KCTD1: variants seen among roughly 807,000 people sequenced by gnomAD.
The protein encoded by KCTD1 is potassium channel tetramerization domain containing 1, also known as BTB/POZ domain-containing protein KCTD1.
Under a neutral mutation model 66.0 loss-of-function variants are expected in KCTD1, and 24 were observed. The ratio of observed to expected loss-of-function variants is 0.36; its 90% CI spans 0.26 to 0.51. The LOEUF (loss-of-function observed/expected upper bound fraction) is 0.51. Ranked by LOEUF, KCTD1 falls within the 20% of genes least tolerant of loss-of-function variation. The probability of loss-of-function intolerance (pLI) is 0.95; values close to 1 mark genes in which losing one functional copy is unlikely to be tolerated. For missense variants in KCTD1, 943 were observed against 1,205.2 expected (o/e 0.78, Z 3.22); for synonymous variants, 511 against 517.2 (o/e 0.99, Z 0.16).
chr18:26,629,985 T>C (rs1987583243), upstream of KCTD1, among the ~76,000 whole-genome samples: 2 of 152,202 alleles, frequency 1.3e-5, no homozygotes, highest in African/African-American at 4.8e-5. Context: ...AAGCCTCGTC[T>C]GTCCAGAGCA....
chr18:26,501,962 G>A (rs190559934), intron 1 of KCTD1, among the ~76,000 whole-genome samples: 1 of 152,372 alleles, frequency 6.6e-6, no homozygotes, highest in East Asian at 1.9e-4. Context: ...GCTGATGTGC[G>A]GTTGCACAAG....
intron 3 of KCTD1, among the ~76,000 whole-genome samples, chr18:26,474,091 T>G (rs1981216909): frequency 6.6e-6 from 1 of 152,202 alleles, no homozygotes; most frequent in African/African-American, 2.4e-5. Context: ...ATACCTGATC[T>G]TTTACATAAA....
At chr18:26,474,576 T>C (rs1981241167) in intron 3 of KCTD1, among the ~76,000 whole-genome samples, 1 of 152,204 alleles carries the variant, frequency 6.6e-6, no homozygotes, top group Non-Finnish European at 1.5e-5. Context: ...TGCAAATGTT[T>C]ATTGCCAATT....
At chr18:26,478,154 A>G in intron 2 of KCTD1, among the ~76,000 whole-genome samples, 1 of 152,348 alleles carries the variant, frequency 6.6e-6, no homozygotes, top group East Asian at 1.9e-4. Context: ...TTCACTCTTA[A>G]TAACATGATA....
Position 26,459,629 on chromosome 18 carries a change from G to A in KCTD1, c.2430C>T (p.Asn810=), listed in dbSNP as rs1176012877. 6.3e-7 allele frequency: 1 copy of A among 1,594,914 alleles called. No homozygotes were observed. The highest frequency in any genetic ancestry group is 8.6e-7 in the Non-Finnish European group (1 of 1,168,114). Residue 810 remains asparagine, a synonymous_variant, in exon 4 of 5, where the codon AAC becomes AAT. Coordinates refer to ENST00000580059, the MANE Select transcript of KCTD1 (RefSeq NM_001142730.3). ...RFPLNGYCHL[N]SVQVLERLQQ... The stretch of plus-strand genomic sequence containing the variant: ...CGTAACAATGCTATACCTGGACTGA[G>A]TTGAGGTGACAGTAGCCATTTAGTG...
intron 2 of KCTD1, among the ~76,000 whole-genome samples, chr18:26,492,542 G>A (rs1982256628): frequency 6.6e-6 from 1 of 151,892 alleles, no homozygotes; most frequent in South Asian, 2.1e-4. Context: ...AGGATGGCTT[G>A]GGCCTGGGAG....
At chr18:26,617,871 G>A (rs66463457) in intron 1 of KCTD1, among the ~76,000 whole-genome samples, 6 of 88,208 alleles carry the variant, frequency 6.8e-5, no homozygotes, top group Non-Finnish European at 1.1e-4. Context: ...GAGGGAGGGA[G>A]GGAGGGAGGG....
intron 1 of KCTD1, among the ~76,000 whole-genome samples, chr18:26,536,860 C>CCTTCAAAAAACCCTAATAA (rs1160146703): frequency 2.0e-5 from 3 of 151,880 alleles, no homozygotes; most frequent in Admixed American, 1.3e-4. Context: ...TTCTAAAAAC[C>CCTTCAAAAAACCCTAATAA]CTTCAAGGGA....
rs1221080224 is a variant in KCTD1 at position 26,468,507 on chromosome 18, CTT to C, written c.2133+8006_2133+8007del. Reference sequence around the variant, plus strand: ...ATCAATAAACATTCTCCCTAACAAACTTAGTGAAAGAGATTCTCTCCTCATGC... The same window carrying C: ...ATCAATAAACATTCTCCCTAACAAACAGTGAAAGAGATTCTCTCCTCATGC... On this transcript the variant is annotated intron_variant, in intron 3 of 4. Coordinates refer to ENST00000580059, the MANE Select transcript of KCTD1 (RefSeq NM_001142730.3). This position sits in a 1 kb window ranked among gnomAD's most constrained non-coding sequence, Gnocchi z 4.8. Among the ~76,000 whole-genome samples the C allele has an allele frequency of 1.3e-5, 2 of 152,082 alleles. No individual in the cohort carries two copies. Among genetic ancestry groups the C allele is most frequent in the Non-Finnish European group, 2.9e-5 (2 of 68,024 alleles).
At chr18:26,521,758 T>G (rs1983922047) in intron 1 of KCTD1, among the ~76,000 whole-genome samples, 1 of 152,164 alleles carries the variant, frequency 6.6e-6, no homozygotes, top group African/African-American at 2.4e-5. Context: ...CTAGAAAAGG[T>G]ACAGCTACAA....
At chr18:26,536,749 A>G (rs1033165892) in intron 1 of KCTD1, among the ~76,000 whole-genome samples, 21 of 152,192 alleles carry the variant, frequency 1.4e-4, no homozygotes, top group Admixed American at 2.0e-4. Flanking sequence ...TAAGTGCTCA[A>G]TAAATGCTTT....
chr18:26,459,632 G>T lies in KCTD1; in HGVS notation c.2427C>A (p.Leu809=), dbSNP rs1359252745. 5 of 1,596,358 alleles carry T rather than the reference G, an allele frequency of 3.1e-6. No individual in the cohort carries two copies. Among genetic ancestry groups the T allele is most frequent in the South Asian group, 1.1e-5 (1 of 87,816 alleles). ...IRFPLNGYCH[L]NSVQVLERLQ... is the part of the protein sequence containing the mutation. ...AACAATGCTATACCTGGACTGAGTT[G>T]AGGTGACAGTAGCCATTTAGTGGAA... Residue 809 remains leucine (L), a synonymous_variant, in exon 4 of 5, where the codon CTC becomes CTA. Transcript: ENST00000580059.
upstream of KCTD1, among the ~76,000 whole-genome samples, chr18:26,550,459 G>T (rs1171123704): frequency 6.6e-6 from 1 of 152,008 alleles, no homozygotes; most frequent in African/African-American, 2.4e-5. The surrounding 1 kb of genome is among the most constrained non-coding windows in gnomAD (Gnocchi z 5.4). Context: ...CCCGGCCCTG[G>T]ACGCCACCCG....
chr18:26,525,929 T>C (rs75704264), intron 1 of KCTD1, among the ~76,000 whole-genome samples: 1 of 152,146 alleles, frequency 6.6e-6, no homozygotes, highest in Admixed American at 6.5e-5. Flanking sequence ...GTCCATCTCA[T>C]TCCCCCTAGG....
chr18:26,547,874 C>T lies in KCTD1; in HGVS notation c.663G>A (p.Gln221=). The T allele has an allele frequency of 6.5e-7, 1 of 1,542,920 alleles. No individual in the cohort carries two copies. The highest frequency in any genetic ancestry group is 1.2e-5 in the South Asian group (1 of 84,068). ...TGATGAGCGACGACTTGCTGTAGAG[C>T]TGGCCGCTTTTGGAGCGGGCCTCGG... ...FYAEARSKSG[Q]LYSKSSLISI... is the part of the protein sequence containing the mutation. Residue 221 remains glutamine, a synonymous_variant, in exon 1 of 5, where the codon CAG becomes CAA. Coordinates refer to ENST00000580059, the MANE Select transcript of KCTD1 (RefSeq NM_001142730.3).
rs1213164495 is a variant in KCTD1, at chr18:26,507,701, C to CT, written c.1810-6452dup. Among the ~76,000 whole-genome samples the CT allele has an allele frequency of 9.9e-3, 1,457 of 147,562 alleles. 10 individuals carry two copies. Among genetic ancestry groups the CT allele is most frequent in the Middle Eastern group, 0.066 (19 of 288 alleles). On this transcript the variant is annotated intron_variant, in intron 1 of 4. Coordinates refer to ENST00000580059, the MANE Select transcript of KCTD1 (RefSeq NM_001142730.3). ...TTCTCCCTTCTTTACTGACACTATA[C>CT]TTTTTTTTTTTTAAAAAAAGAATGA...
chr18:26,500,588 T>C (rs1381670800), intron 2 of KCTD1, among the ~76,000 whole-genome samples: 1 of 152,242 alleles, frequency 6.6e-6, no homozygotes, highest in Admixed American at 6.5e-5. Context: ...TCATTTTTTG[T>C]AAACTATACT....
At chr18:26,501,961 C>T (rs749637672) in intron 1 of KCTD1, among the ~76,000 whole-genome samples, 26 of 152,232 alleles carry the variant, frequency 1.7e-4, no homozygotes, top group Admixed American at 1.2e-3. Flanking sequence ...TGCTGATGTG[C>T]GGTTGCACAA....
intron 1 of KCTD1, among the ~76,000 whole-genome samples, chr18:26,532,242 CT>C (rs1295830751): frequency 2.4e-4 from 33 of 137,046 alleles, no homozygotes; most frequent in African/African-American, 5.9e-4. Context: ...TATTCTTTTT[CT>C]TTTTCTTTTC....
Sources: gnomAD v4.1 joint callset for allele counts (sites outside exome capture counted in the v4.1 genomes callset) on GRCh38, gnomAD v4.1.1 for gene constraint, Gnocchi (gnomAD v3.1) non-coding constraint, MANE v1.5 for transcripts, NCBI Gene and HGNC (gene_info 2026-07-23, HGNC 2026-07-21) for gene names.